CACNA2D2: variants seen among roughly 807,000 people sequenced by gnomAD.
CACNA2D2 encodes calcium voltage-gated channel auxiliary subunit alpha2delta 2, also known as voltage-dependent calcium channel subunit alpha-2/delta-2.
CACNA2D2 carries 48 observed loss-of-function variants against 166.4 expected under a neutral mutation model. The ratio of observed to expected loss-of-function variants is 0.29; its 90% CI spans 0.23 to 0.37. The LOEUF (loss-of-function observed/expected upper bound fraction) is 0.37. Ranked by LOEUF, CACNA2D2 falls within the 10% of genes least tolerant of loss-of-function variation. The pLI is 1.00. For missense variants in CACNA2D2, 1,122 were observed against 1,433.0 expected (o/e 0.78, Z 3.50); for synonymous variants, 561 against 573.7 (o/e 0.98, Z 0.32).
chr3:50,399,289 A>T (rs1376981956), intron 3 of CACNA2D2, among the ~76,000 whole-genome samples: 1 of 152,164 alleles, frequency 6.6e-6, no homozygotes, highest in African/African-American at 2.4e-5. Flanking sequence ...ATCAAACAGG[A>T]CTTTTTCTGC....
rs372344697 is a variant in CACNA2D2 at position 50,375,734 on chromosome 3, G to C, written c.1846-29C>G. ...GGAGAGGAGGCTGGGTCAGGTACTT[G>C]GGCTAGCAGGCAGGGGGCGCTGGGG... On this transcript the variant is annotated intron_variant, in intron 20 of 37. Coordinates refer to ENST00000424201, the MANE Select transcript of CACNA2D2 (RefSeq NM_006030.4). This position sits in a 1 kb window ranked among gnomAD's most constrained non-coding sequence, Gnocchi z 4.0. The C allele has an allele frequency of 1.9e-6, 3 of 1,613,062 alleles. No homozygotes were observed. The highest frequency in any genetic ancestry group is 2.5e-6 in the Non-Finnish European group (3 of 1,179,916).
At chr3:50,476,232 G>A (rs1164271086) in intron 1 of CACNA2D2, 33 bp from the exon 2 acceptor site, 2 of 1,540,982 alleles carry the variant, frequency 1.3e-6, no homozygotes, top group Non-Finnish European at 1.8e-6. Context: ...GGTGTCAGGA[G>A]GGCCTGCCCA....
intron 6 of CACNA2D2, among the ~76,000 whole-genome samples, 155 bp downstream of exon 6, chr3:50,384,041 G>C: frequency 6.6e-6 from 1 of 152,244 alleles, no homozygotes; most frequent in South Asian, 2.1e-4. Context: ...CCACATGTGG[G>C]TGAATCTGAG....
chr3:50,444,422 C>T (rs1054093878), intron 2 of CACNA2D2, among the ~76,000 whole-genome samples: 2 of 152,230 alleles, frequency 1.3e-5, no homozygotes, highest in Non-Finnish European at 2.9e-5. Flanking sequence ...TGGCTCGAGC[C>T]TTCACCCTCA....
chr3:50,443,500 G>A (rs987059809), intron 2 of CACNA2D2, among the ~76,000 whole-genome samples: 8 of 152,228 alleles, frequency 5.3e-5, no homozygotes, highest in Non-Finnish European at 1.5e-5. Flanking sequence ...GTGGCACTGG[G>A]CTTCTCAGAC....
intron 1 of CACNA2D2, among the ~76,000 whole-genome samples, chr3:50,488,843 G>A (rs1448363882): frequency 6.6e-6 from 1 of 151,864 alleles, no homozygotes; most frequent in Non-Finnish European, 1.5e-5. Context: ...GGGACTACGG[G>A]CGCCCACCAC....
chr3:50,377,903 G>A, intron 15 of CACNA2D2, 100 bp from the exon 16 acceptor site: 1 of 1,489,866 alleles, frequency 6.7e-7, no homozygotes, highest in Admixed American at 1.7e-5. Flanking sequence ...TCTTTCTCCT[G>A]TGCTTGGTTT....
intron 22 of CACNA2D2, among the ~76,000 whole-genome samples, chr3:50,373,724 G>C (rs1301326914): frequency 7.1e-6 from 1 of 141,758 alleles, no homozygotes; most frequent in African/African-American, 2.7e-5. Context: ...GCAGGGAGAA[G>C]AGGAGGGAGA....
intron 6 of CACNA2D2, among the ~76,000 whole-genome samples, chr3:50,383,458 T>C (rs72934830): frequency 0.032 from 4,814 of 152,334 alleles, 264 homozygotes; most frequent in African/African-American, 0.11. Flanking sequence ...TCAATCCTGC[T>C]GCTGGAGCTC....
chr3:50,469,261 C>T (rs1451606821), intron 2 of CACNA2D2, among the ~76,000 whole-genome samples: 1 of 152,164 alleles, frequency 6.6e-6, no homozygotes, highest in Non-Finnish European at 1.5e-5. Context: ...TCCTCCCCAA[C>T]AGCATCTCTG....
Position 50,407,434 on chromosome 3 carries a change from T to A in CACNA2D2, c.406-13266A>T, listed in dbSNP as rs1706776878. On this transcript the variant is annotated intron_variant, in intron 3 of 37. Transcript: ENST00000424201. ...CCTGTTCCTGGCGATCATGAGGGCT[T>A]CAGGAGGAAAGCCCTCAAGGCCAGG... 6.6e-5 allele frequency among the ~76,000 whole-genome samples: 10 copies of A among 152,288 alleles called. No homozygotes were observed. The South Asian group carries it at 2.1e-3, about 32-fold the overall frequency.
At position 50,366,268 on chromosome 3, in the gene CACNA2D2, T is replaced by C. The variant is rs750614129; in HGVS notation, c.2708A>G (p.Gln903Arg). 6.2e-7 allele frequency: 1 copy of C among 1,614,120 alleles called. No homozygotes were observed. The highest frequency in any genetic ancestry group is 1.1e-5 in the South Asian group (1 of 91,086). ...TTTCACTCTCTTCCTGATCCTCACC[T>C]GGTCCCACTGATGGTTCTGGTTTGA... The part of the protein sequence containing the change: ...VLSNQNHQWD[Q>R]VGRFFSEVDA... The change falls in exon 31 of 38, where the codon CAG becomes CGG. Residue 903 changes from glutamine (Q) to arginine (R), a missense_variant and splice_region_variant. This residue lies in a region of CACNA2D2 where 840 missense variants were observed against 1,166.8 expected (regional missense o/e 0.72). Transcript: ENST00000424201. This position sits in a 1 kb window ranked among gnomAD's most constrained non-coding sequence, Gnocchi z 5.9.
intron 3 of CACNA2D2, among the ~76,000 whole-genome samples, chr3:50,405,202 C>T (rs1303168641): frequency 6.6e-6 from 1 of 152,088 alleles, no homozygotes; most frequent in Admixed American, 6.5e-5. Flanking sequence ...CAAAAGGGCC[C>T]TGAAATGTGC....
At chr3:50,423,750 A>G (rs56249615) in intron 3 of CACNA2D2, among the ~76,000 whole-genome samples, 13,379 of 152,322 alleles carry the variant, frequency 0.088, 1,783 homozygotes, top group African/African-American at 0.29. Flanking sequence ...GGGCCCGACA[A>G]CCGTGCCCAG....
At chr3:50,493,696 C>G (rs1205234170) in intron 1 of CACNA2D2, among the ~76,000 whole-genome samples, 1 of 152,240 alleles carries the variant, frequency 6.6e-6, no homozygotes, top group Non-Finnish European at 1.5e-5. Flanking sequence ...TCCTCAGACT[C>G]AGATCTTGAG....
chr3:50,381,259 T>C (rs947419979), intron 6 of CACNA2D2, 133 bp from the exon 7 acceptor site: 8 of 1,019,038 alleles, frequency 7.9e-6, no homozygotes, highest in African/African-American at 6.4e-5. Flanking sequence ...CCCTCCCTAT[T>C]TCCTAGGGCC....
intron 22 of CACNA2D2, chr3:50,372,999 G>T: frequency 8.0e-7 from 1 of 1,248,958 alleles, no homozygotes; most frequent in Non-Finnish European, 1.1e-6. Context: ...AGGGAGGGGG[G>T]CAAGCAGGGG....
intron 2 of CACNA2D2, among the ~76,000 whole-genome samples, chr3:50,460,340 G>A (rs1709536312): frequency 6.6e-6 from 1 of 152,132 alleles, no homozygotes; most frequent in Non-Finnish European, 1.5e-5. Context: ...TATGCAAGAC[G>A]ATAACTTAAA....
rs147051566 is a variant in CACNA2D2, at chr3:50,481,813, C to T, written c.207-5614G>A. Reference sequence around the variant, plus strand: ...AAATTTGAGACCAGGCTGGGCAACACGGTGAAACCCTGTCTCTACAAAAAA... The same window carrying T: ...AAATTTGAGACCAGGCTGGGCAACATGGTGAAACCCTGTCTCTACAAAAAA... On this transcript the variant is annotated intron_variant, in intron 1 of 37. Coordinates refer to ENST00000424201, the MANE Select transcript of CACNA2D2 (RefSeq NM_006030.4). Among the ~76,000 whole-genome samples the T allele has an allele frequency of 8.5e-4, 130 of 152,128 alleles. 2 individuals are homozygous for T. The highest frequency in any genetic ancestry group is 2.5e-3 in the African/African-American group (104 of 41,504).
Sources: allele counts gnomAD v4.1 joint callset (sites outside exome capture counted in the v4.1 genomes callset), GRCh38; gene constraint gnomAD v4.1.1; regional missense constraint gnomAD v4.1.1; non-coding constraint Gnocchi (gnomAD v3.1); transcripts MANE v1.5; gene names NCBI Gene and HGNC (gene_info 2026-07-23, HGNC 2026-07-21).